The following SORBS3 variants were observed in gnomAD, a reference collection of about 807,000 sequenced individuals.
SORBS3 encodes the protein vinexin.
In SORBS3, 69 loss-of-function variants were observed where a neutral mutation model predicts 98.0. The ratio of observed to expected loss-of-function variants is 0.70; its 90% CI spans 0.58 to 0.86. SORBS3 has a LOEUF of 0.86. Ranked by LOEUF, SORBS3 falls within the 40% of genes least tolerant of loss-of-function variation. The probability of loss-of-function intolerance (pLI) is 0.00; values close to 1 mark genes in which losing one functional copy is unlikely to be tolerated. For synonymous variants in SORBS3, 394 were observed against 355.4 expected, an observed-to-expected ratio of 1.11 and a Z score of -1.22; for missense variants, 954 against 908.5, an observed-to-expected ratio of 1.05 and a Z score of -0.64.
At chr8:22,572,732 G>C (rs1051875170) in intron 20 of SORBS3, among the ~76,000 whole-genome samples, 1 of 152,250 alleles carries the variant, frequency 6.6e-6, no homozygotes, top group African/African-American at 2.4e-5. Context: ...AACGTCCAGA[G>C]CTCTGCCTCT....
At chr8:22,567,299 A>G in intron 16 of SORBS3, 124 bp downstream of exon 16, 3 of 681,120 alleles carry the variant, frequency 4.4e-6, no homozygotes, top group Non-Finnish European at 7.6e-6. Flanking sequence ...GTGTCTCGGA[A>G]CTGTCCTTGG....
intron 7 of SORBS3, 99 bp downstream of exon 7, chr8:22,562,030 G>A: frequency 1.7e-6 from 2 of 1,168,252 alleles, no homozygotes; most frequent in Admixed American, 1.8e-5. Context: ...GCACAGCCTC[G>A]GAGCCCAGCC....
intron 16 of SORBS3, 51 bp downstream of exon 16, chr8:22,567,226 G>T: frequency 7.7e-7 from 1 of 1,301,434 alleles, no homozygotes; most frequent in Non-Finnish European, 1.1e-6. Context: ...GGGCGCAGGG[G>T]TTGGGAGAGA....
chr8:22,552,756 G>T (rs1252718615), intron 1 of SORBS3, among the ~76,000 whole-genome samples: 5 of 152,232 alleles, frequency 3.3e-5, no homozygotes, highest in Non-Finnish European at 7.3e-5. Context: ...GCAGGGAGGG[G>T]TGCTGCGAGG....
intron 16 of SORBS3, among the ~76,000 whole-genome samples, chr8:22,568,023 A>AT (rs1840471282): frequency 1.3e-5 from 2 of 151,618 alleles, no homozygotes; most frequent in Admixed American, 6.6e-5. Context: ...AATTTTTGTA[A>AT]TTTTTTAGTA....
At chr8:22,574,182 C>A (rs1380155174) in intron 20 of SORBS3, among the ~76,000 whole-genome samples, 1 of 152,188 alleles carries the variant, frequency 6.6e-6, no homozygotes, top group African/African-American at 2.4e-5. Flanking sequence ...CCCCCCCCTC[C>A]TCCTCTTCAA....
chr8:22,566,493 C>T lies in SORBS3; in HGVS notation c.1090+9C>T. 6.2e-7 allele frequency: 1 copy of T among 1,612,624 alleles called. No homozygotes were observed. Among genetic ancestry groups the T allele is most frequent in the Non-Finnish European group, 8.5e-7 (1 of 1,179,226 alleles). ...CCCTTCCTCAACCCGAGGTAAGGAC[C>T]CAGCCCTGCTCTCTTTCTCACGGAG... On this transcript the variant is annotated intron_variant, in intron 13 of 20. Transcript: ENST00000240123.
At chr8:22,565,638 T>A in intron 11 of SORBS3, 188 bp from the exon 12 acceptor site, 1 of 1,062,602 alleles carries the variant, frequency 9.4e-7, no homozygotes, top group Non-Finnish European at 1.2e-6. Flanking sequence ...GGCCCCAGCC[T>A]CGGGGACCCC....
chr8:22,558,205 T>C lies in SORBS3; in HGVS notation c.478+13T>C. 1 of 1,613,390 alleles carries C rather than the reference T, an allele frequency of 6.2e-7. No individual in the cohort carries two copies. Among genetic ancestry groups the C allele is most frequent in the Non-Finnish European group, 8.5e-7 (1 of 1,179,348 alleles). On this transcript the variant is annotated intron_variant, in intron 5 of 20. Coordinates refer to ENST00000240123, the MANE Select transcript of SORBS3 (RefSeq NM_005775.5). ...CGGAAAATGCCAGGTAAGATACCCT[T>C]CCAGGGCCCTCTCCCTGCCAAAGTG...
At chr8:22,550,609 A>G (rs559356615), upstream of SORBS3, among the ~76,000 whole-genome samples, 4 of 152,332 alleles carry the variant, frequency 2.6e-5, no homozygotes, top group Non-Finnish European at 5.9e-5. Context: ...GGGAGAAGAT[A>G]AGACTAAAGC....
chr8:22,555,125 C>A, intron 3 of SORBS3, 145 bp downstream of exon 3: 1 of 692,236 alleles, frequency 1.4e-6, no homozygotes, highest in Non-Finnish European at 2.5e-6. Context: ...TCTGGGCTCA[C>A]TATGAGCCCC....
Position 22,554,144 on chromosome 8 carries a change from G to T in SORBS3, c.-55-308G>T. The T allele has an allele frequency of 4.8e-6, 1 of 209,086 alleles. No homozygotes were observed. The highest frequency in any genetic ancestry group is 9.7e-6 in the Non-Finnish European group (1 of 103,526). 13.0% of individuals were successfully genotyped at this position (209,086 alleles called of 1,614,324 possible). On this transcript the variant is annotated intron_variant, in intron 1 of 20. Coordinates refer to ENST00000240123, the MANE Select transcript of SORBS3 (RefSeq NM_005775.5). The surrounding 1 kb of genome is among the most constrained non-coding windows in gnomAD (Gnocchi z 6.5). ...GGGAAGCCAGCTGCACCCGTGCAGG[G>T]AGAGCCCCACGGGCTCCTGGCCAGC...
rs147249818 is a variant in SORBS3, at chr8:22,564,323, A to G, written c.716A>G (p.Glu239Gly). 695 of 1,613,572 alleles carry G rather than the reference A, an allele frequency of 4.3e-4. No homozygotes were observed. The highest frequency in any genetic ancestry group is 4.6e-4 in the Non-Finnish European group (542 of 1,179,718). ...GAAAAAGTAGACAATGTCTGGACGGAAGAGTCCTGGAACCAGTTTCTGCAG... is the reference window on the plus strand; with the variant it reads ...GAAAAAGTAGACAATGTCTGGACGGGAGAGTCCTGGAACCAGTTTCTGCAG... Reference protein sequence around the residue: ...RREKVDNVWTEESWNQFLQEL... With the variant: ...RREKVDNVWTGESWNQFLQEL... The change falls in exon 9 of 21, where the codon GAA becomes GGA. Residue 239 changes from glutamate to glycine, a missense_variant. Coordinates refer to ENST00000240123, the MANE Select transcript of SORBS3 (RefSeq NM_005775.5).
Position 22,565,649 on chromosome 8 carries a change from C to T in SORBS3, c.904-177C>T, listed in dbSNP as rs887781842. 4.2e-6 allele frequency: 5 copies of T among 1,178,228 alleles called. No homozygotes were observed. In the African/African-American group the frequency reaches 4.8e-5, roughly 11 times the overall value. 73.0% of individuals were successfully genotyped at this position (1,178,228 alleles called of 1,614,324 possible). ...CCCGGGCCCCAGCCTCGGGGACCCC[C>T]GCCCCTTCCCCTAGTTCCCGCCCCG... On this transcript the variant is annotated intron_variant, in intron 11 of 20. Transcript: ENST00000240123.
chr8:22,568,367 T>C (rs1563834476), intron 16 of SORBS3, among the ~76,000 whole-genome samples: 1 of 152,244 alleles, frequency 6.6e-6, no homozygotes, highest in African/African-American at 2.4e-5. Context: ...GTTTAGACTA[T>C]TGATTTGAAA....
intron 7 of SORBS3, among the ~76,000 whole-genome samples, chr8:22,562,518 T>G (rs1288718267): frequency 6.6e-6 from 1 of 152,220 alleles, no homozygotes; most frequent in Non-Finnish European, 1.5e-5. Context: ...GTTAAATCCT[T>G]GAGTTTCTTA....
At chr8:22,552,649 A>G (rs1840104906) in intron 1 of SORBS3, among the ~76,000 whole-genome samples, 1 of 152,146 alleles carries the variant, frequency 6.6e-6, no homozygotes, top group Admixed American at 6.5e-5. Context: ...CTCACCGAGC[A>G]CGAGGTGGGC....
intron 20 of SORBS3, among the ~76,000 whole-genome samples, chr8:22,573,983 G>T (rs768279808): frequency 2.0e-5 from 3 of 152,206 alleles, no homozygotes; most frequent in African/African-American, 7.2e-5. Flanking sequence ...GCAGGGAAAA[G>T]GGGCAGGGCT....
intron 10 of SORBS3, 72 bp downstream of exon 10, chr8:22,564,593 A>G: frequency 6.3e-7 from 1 of 1,583,612 alleles, no homozygotes; most frequent in Non-Finnish European, 8.7e-7. Context: ...GGCCCCAGTA[A>G]CCATGGGCAT....
Sources: allele counts gnomAD v4.1 joint callset (sites outside exome capture counted in the v4.1 genomes callset), GRCh38; gene constraint gnomAD v4.1.1; non-coding constraint Gnocchi (gnomAD v3.1); transcripts MANE v1.5; gene names NCBI Gene and HGNC (gene_info 2026-07-23, HGNC 2026-07-21).